The following PRKCD variants were observed in gnomAD, a reference collection of about 807,000 sequenced individuals.
PRKCD encodes the protein protein kinase C delta.
A neutral mutation model predicts 82.2 loss-of-function variants in PRKCD; 20 were observed. The observed-to-expected ratio is 0.24, with a 90% CI of 0.17 to 0.35. The LOEUF is 0.35. PRKCD is among the 10% of genes least tolerant of loss of function. The probability of loss-of-function intolerance (pLI) is 1.00; values close to 1 mark genes in which losing one functional copy is unlikely to be tolerated. For missense variants in PRKCD, 607 were observed against 899.0 expected (o/e 0.68, Z 4.15); for synonymous variants, 317 against 337.0 (o/e 0.94, Z 0.65).
intron 1 of PRKCD, among the ~76,000 whole-genome samples, chr3:53,163,458 G>A (rs1702740587): frequency 6.6e-6 from 1 of 151,962 alleles, no homozygotes. Flanking sequence ...CTTGGGGTTT[G>A]TAGTGTTGTG....
At chr3:53,174,346 C>A (rs1553665501) in intron 2 of PRKCD, among the ~76,000 whole-genome samples, 1 of 152,202 alleles carries the variant, frequency 6.6e-6, no homozygotes, top group African/African-American at 2.4e-5. Flanking sequence ...AAAGGCCTGG[C>A]TGGCCTCAGC....
rs1553668989 is a variant in PRKCD, at chr3:53,186,150, C to T, written c.1087-17C>T. The T allele has an allele frequency of 6.2e-7, 1 of 1,612,328 alleles. No individual in the cohort carries two copies. The highest frequency in any genetic ancestry group is 1.3e-5 in the African/African-American group (1 of 74,884). On this transcript the variant is annotated splice_polypyrimidine_tract_variant and intron_variant, in intron 12 of 18. Coordinates refer to ENST00000330452, the MANE Select transcript of PRKCD (RefSeq NM_006254.4). ...TGCCCCGTCCTCACCTGCTCAGCAC[C>T]CGTGTCTCCCCATCAGGTGCTGCTT...
intron 17 of PRKCD, among the ~76,000 whole-genome samples, chr3:53,189,663 A>G (rs1166584378): frequency 6.6e-6 from 1 of 152,248 alleles, no homozygotes; most frequent in Non-Finnish European, 1.5e-5. Context: ...TTCCACCAGC[A>G]GAGTCGCAGA....
At chr3:53,175,764 G>A (rs575940464) in intron 2 of PRKCD, among the ~76,000 whole-genome samples, 1 of 152,284 alleles carries the variant, frequency 6.6e-6, no homozygotes, top group South Asian at 2.1e-4. Flanking sequence ...GCATCTGCTG[G>A]GATTAGGCCC....
rs781987717 is a variant in PRKCD, at chr3:53,185,927, A to G, written c.986A>G (p.Asp329Gly). Residue 329 changes from aspartate (D) to glycine (G), a missense_variant and splice_region_variant, in exon 12 of 19, where the codon GAC (aspartate) becomes GGC (glycine). This residue lies in a region of PRKCD where 85 missense variants were observed against 76.1 expected (regional missense o/e 1.12). Transcript: ENST00000330452. ...KTGVAGEDMQDNSGTYGKIWE... is the reference protein window; with the variant it reads ...KTGVAGEDMQGNSGTYGKIWE... ...TGAGGAGGTGCCATCTCTCGGGCAG[A>G]CAACAGTGGGACCTACGGCAAGATC... The G allele has an allele frequency of 1.9e-6, 3 of 1,614,042 alleles. No individual in the cohort carries two copies. The highest frequency in any genetic ancestry group is 2.5e-6 in the Non-Finnish European group (3 of 1,180,024).
intron 7 of PRKCD, among the ~76,000 whole-genome samples, chr3:53,182,904 A>T (rs1553668042): frequency 6.6e-6 from 1 of 152,084 alleles, no homozygotes; most frequent in African/African-American, 2.4e-5. Flanking sequence ...GCCCCTGCAG[A>T]TTGGCCTGTC....
At chr3:53,173,169 C>T (rs6797662) in intron 2 of PRKCD, among the ~76,000 whole-genome samples, 18,316 of 152,296 alleles carry the variant, frequency 0.12, 1,353 homozygotes, top group East Asian at 0.22. Flanking sequence ...CTCACCCCAG[C>T]CTCCTGTGCT....
chr3:53,184,632 G>A (rs1460689022), intron 9 of PRKCD, among the ~76,000 whole-genome samples: 4 of 146,084 alleles, frequency 2.7e-5, no homozygotes, highest in Non-Finnish European at 4.5e-5. Context: ...CCGAGATTGC[G>A]CCACTGCACT....
At chr3:53,187,217 T>C in intron 14 of PRKCD, 123 bp from the exon 15 acceptor site, 1 of 1,083,750 alleles carries the variant, frequency 9.2e-7, no homozygotes, top group Non-Finnish European at 1.4e-6. Context: ...TTGATCATGC[T>C]CAGGTGGTCC....
At chr3:53,187,665 T>G (rs370211510) in intron 15 of PRKCD, among the ~76,000 whole-genome samples, 2 of 152,322 alleles carry the variant, frequency 1.3e-5, no homozygotes, top group Admixed American at 6.5e-5. Context: ...GCCGTCAGTC[T>G]CGCTCTGAAG....
intron 2 of PRKCD, 72 bp from the exon 3 acceptor site, chr3:53,178,332 C>A (rs1703288826): frequency 2.2e-6 from 2 of 924,054 alleles, no homozygotes; most frequent in Non-Finnish European, 3.3e-6. Flanking sequence ...GGGAGCGGGT[C>A]CCTGAGTGCT....
At chr3:53,162,882 T>A (rs1327242882) in intron 1 of PRKCD, among the ~76,000 whole-genome samples, 2 of 152,042 alleles carry the variant, frequency 1.3e-5, no homozygotes, top group South Asian at 4.1e-4. Flanking sequence ...TGAGTGTATC[T>A]GTATAAGTGT....
intron 9 of PRKCD, among the ~76,000 whole-genome samples, 171 bp downstream of exon 9, chr3:53,183,752 C>T (rs1226977879): frequency 1.3e-5 from 2 of 152,238 alleles, no homozygotes; most frequent in Non-Finnish European, 2.9e-5. Flanking sequence ...CTGACTGGCT[C>T]TGCCACTTAC....
chr3:53,179,808 G>GTA lies in PRKCD; in HGVS notation c.315+33_315+34insAT, dbSNP rs782747092. ...GGCGCACGAGCCGTGCCGTGTGTGT[G>GTA]TGTGTGTGTGTCTGTGTGTGTGTGC... is the stretch of plus-strand genomic sequence containing the variant. On this transcript the variant is annotated intron_variant, in intron 4 of 18. Transcript: ENST00000330452. The GTA allele has an allele frequency of 3.2e-6, 5 of 1,549,460 alleles. No homozygotes were observed. The South Asian group carries it at 5.9e-5, about 18-fold the overall frequency.
chr3:53,190,906 C>A (rs1575546220), intron 18 of PRKCD, among the ~76,000 whole-genome samples: 1 of 100,000 alleles, frequency 1.0e-5, no homozygotes. Context: ...AATCACACAG[C>A]CTGCTTTCAG....
intron 7 of PRKCD, among the ~76,000 whole-genome samples, chr3:53,182,826 A>C (rs1181620592): frequency 6.6e-6 from 1 of 152,150 alleles, no homozygotes; most frequent in East Asian, 1.9e-4. Flanking sequence ...CCCGCTTCTC[A>C]TATTGCGATG....
In PRKCD at chr3:53,187,207, T is replaced by G. The variant is rs1311950654; in HGVS notation, c.1353-133T>G. On this transcript the variant is annotated intron_variant, in intron 14 of 18. Transcript: ENST00000330452. Reference sequence around the variant, plus strand: ...CCCACTTGCCTGATACAAGATGTACTTGATCATGCTCAGGTGGTCCATGGA... The same window carrying G: ...CCCACTTGCCTGATACAAGATGTACGTGATCATGCTCAGGTGGTCCATGGA... 13 of 1,018,128 alleles carry G rather than the reference T, an allele frequency of 1.3e-5. No homozygotes were observed. The Admixed American group carries it at 2.0e-4, about 16-fold the overall frequency. The allele number at this position is 1,018,128 out of a possible 1,614,324, so 63.1% of individuals were successfully genotyped here.
intron 2 of PRKCD, among the ~76,000 whole-genome samples, chr3:53,174,901 T>C (rs3821689): frequency 0.6 from 90,540 of 152,060 alleles, 27,911 homozygotes; most frequent in East Asian, 0.75. Flanking sequence ...CAGTGGCTTC[T>C]AAATGTGAGC....
chr3:53,180,908 G>A (rs538949866), intron 4 of PRKCD, among the ~76,000 whole-genome samples: 3 of 152,248 alleles, frequency 2.0e-5, no homozygotes, highest in South Asian at 4.1e-4. Context: ...GAGCTGCAGC[G>A]GGTAGGGGTG....
Sources: gnomAD v4.1 joint callset for allele counts (sites outside exome capture counted in the v4.1 genomes callset) on GRCh38, gnomAD v4.1.1 for gene constraint, gnomAD v4.1.1 regional missense constraint, MANE v1.5 for transcripts, NCBI Gene and HGNC (gene_info 2026-07-23, HGNC 2026-07-21) for gene names.